CLEC16A: variants seen among roughly 807,000 people sequenced by gnomAD.
The protein encoded by CLEC16A is protein CLEC16A.
Under a neutral mutation model 109.5 loss-of-function variants are expected in CLEC16A, and 51 were observed. The ratio of observed to expected loss-of-function variants is 0.47; its 90% CI spans 0.37 to 0.59. The LOEUF (loss-of-function observed/expected upper bound fraction) is 0.59. Ranked by LOEUF, CLEC16A falls within the 20% of genes least tolerant of loss-of-function variation. CLEC16A has a pLI of 0.00. For synonymous variants in CLEC16A, 673 were observed against 564.2 expected, an observed-to-expected ratio of 1.19 and a Z score of -2.73; for missense variants, 1,339 against 1,394.0, an observed-to-expected ratio of 0.96 and a Z score of 0.63.
intron 19 of CLEC16A, among the ~76,000 whole-genome samples, chr16:11,073,120 C>T (rs1343116882): frequency 6.6e-6 from 1 of 152,184 alleles, no homozygotes; most frequent in East Asian, 1.9e-4. Context: ...TAACATGAAA[C>T]CCAAGAGGCA....
intron 14 of CLEC16A, 179 bp from the exon 15 acceptor site, chr16:11,042,075 T>C: frequency 1.8e-6 from 1 of 570,708 alleles, no homozygotes. Context: ...CATTGAATTC[T>C]AACTGATGGG....
At chr16:10,980,417 G>A (rs1373674259) in intron 9 of CLEC16A, among the ~76,000 whole-genome samples, 5 of 151,886 alleles carry the variant, frequency 3.3e-5, no homozygotes, top group African/African-American at 9.7e-5. Context: ...CAAGTCTGCC[G>A]GCATCTCCTG....
intron 15 of CLEC16A, among the ~76,000 whole-genome samples, chr16:11,042,800 G>A (rs1181992698): frequency 6.6e-6 from 1 of 151,604 alleles, no homozygotes; most frequent in African/African-American, 2.4e-5. Context: ...TTAGGAAGTA[G>A]AAAGGTAAAA....
intron 10 of CLEC16A, among the ~76,000 whole-genome samples, chr16:11,001,714 C>A (rs1011705276): frequency 7.2e-5 from 11 of 152,170 alleles, no homozygotes; most frequent in African/African-American, 2.7e-4. Context: ...CGATCTCGCT[C>A]ACTGAAGCCT....
At chr16:11,141,438 G>C (rs149985580) in intron 22 of CLEC16A, among the ~76,000 whole-genome samples, 1 of 152,188 alleles carries the variant, frequency 6.6e-6, no homozygotes, top group African/African-American at 2.4e-5. Context: ...GCCTCAACAG[G>C]GCAAGTCACC....
chr16:11,032,332 G>A (rs571050604), intron 13 of CLEC16A, among the ~76,000 whole-genome samples: 2 of 152,214 alleles, frequency 1.3e-5, no homozygotes, highest in African/African-American at 4.8e-5. Flanking sequence ...GTGTGGGGCT[G>A]CTGGGGGGCA....
intron 18 of CLEC16A, among the ~76,000 whole-genome samples, chr16:11,057,858 C>A (rs1438043348): frequency 6.6e-6 from 1 of 152,138 alleles, no homozygotes; most frequent in Non-Finnish European, 1.5e-5. Flanking sequence ...GGCAGGCTGC[C>A]TGTCATTGCT....
chr16:11,128,322 T>C (rs1212117671), intron 22 of CLEC16A, among the ~76,000 whole-genome samples: 1 of 152,236 alleles, frequency 6.6e-6, no homozygotes, highest in Non-Finnish European at 1.5e-5. Context: ...CTTCCACCGG[T>C]GGGTGAGAAC....
chr16:11,100,170 G>A (rs1420137306), intron 19 of CLEC16A, among the ~76,000 whole-genome samples: 2 of 152,168 alleles, frequency 1.3e-5, no homozygotes. Context: ...TGAAGAAGGT[G>A]CAGGAGTTTC....
chr16:11,104,154 G>A (rs563799229), intron 19 of CLEC16A, among the ~76,000 whole-genome samples: 3 of 152,278 alleles, frequency 2.0e-5, no homozygotes, highest in Non-Finnish European at 2.9e-5. Flanking sequence ...TGTCGCCCAG[G>A]CTGGAGTACA....
intron 22 of CLEC16A, among the ~76,000 whole-genome samples, chr16:11,130,727 C>T (rs1475937470): frequency 6.6e-6 from 1 of 152,216 alleles, no homozygotes; most frequent in Admixed American, 6.5e-5. Flanking sequence ...CCATAGGCCG[C>T]ACAGCGCATG....
intron 21 of CLEC16A, among the ~76,000 whole-genome samples, chr16:11,125,099 C>G (rs773416022): frequency 2.0e-5 from 3 of 152,108 alleles, no homozygotes; most frequent in Non-Finnish European, 4.4e-5. Context: ...AAAATAAACC[C>G]TCAGAGGGCC....
At chr16:11,078,900 T>C (rs1446268433) in intron 19 of CLEC16A, among the ~76,000 whole-genome samples, 1 of 152,210 alleles carries the variant, frequency 6.6e-6, no homozygotes, top group African/African-American at 2.4e-5. Flanking sequence ...TCCTCTCCAC[T>C]TTCCTGCATC....
intron 19 of CLEC16A, among the ~76,000 whole-genome samples, chr16:11,064,402 C>G (rs2048653960): frequency 6.6e-6 from 1 of 152,244 alleles, no homozygotes; most frequent in African/African-American, 2.4e-5. Context: ...GATTTTGCAG[C>G]CACTGGCATC....
intron 22 of CLEC16A, among the ~76,000 whole-genome samples, chr16:11,153,613 G>C (rs1825440879): frequency 6.6e-6 from 1 of 150,592 alleles, no homozygotes; most frequent in South Asian, 2.1e-4. Flanking sequence ...AGAATTCTGT[G>C]AATCAATTCC....
At chr16:10,983,137 C>G in intron 10 of CLEC16A, 146 bp downstream of exon 10, 2 of 575,114 alleles carry the variant, frequency 3.5e-6, no homozygotes, top group Non-Finnish European at 6.3e-6. Context: ...TGAACCTAAT[C>G]AGAGTCTTGA....
chr16:11,016,999 G>GT (rs1567199478), intron 11 of CLEC16A, among the ~76,000 whole-genome samples: 7 of 120,832 alleles, frequency 5.8e-5, no homozygotes, highest in African/African-American at 2.2e-4. Context: ...GAATATCGGG[G>GT]CGGGGGGGGG....
chr16:11,120,036 C>T (rs751839242), intron 19 of CLEC16A, among the ~76,000 whole-genome samples: 6 of 152,172 alleles, frequency 3.9e-5, no homozygotes, highest in Non-Finnish European at 5.9e-5. Context: ...AGAGCGCGAT[C>T]TTGGCTCACT....
intron 13 of CLEC16A, among the ~76,000 whole-genome samples, chr16:11,032,488 G>A (rs751843399): frequency 6.6e-6 from 1 of 152,250 alleles, no homozygotes; most frequent in Admixed American, 6.5e-5. Flanking sequence ...CCAGGGCAAG[G>A]CCCCGTCATA....
Sources: allele counts gnomAD v4.1 joint callset (sites outside exome capture counted in the v4.1 genomes callset), GRCh38; gene constraint gnomAD v4.1.1; transcripts MANE v1.5; gene names NCBI Gene and HGNC (gene_info 2026-07-23, HGNC 2026-07-21).